The following TAF4 variants were observed in gnomAD, a reference collection of about 807,000 sequenced individuals.
TAF4 encodes transcription initiation factor TFIID subunit 4.
TAF4 carries 9 observed loss-of-function variants against 90.3 expected under a neutral mutation model. The observed-to-expected ratio is 0.10, with a 90% CI of 0.06 to 0.17. The LOEUF (loss-of-function observed/expected upper bound fraction) is 0.17. Among genes scored for constraint, TAF4 ranks in the 10% least tolerant of loss-of-function variants. The probability of loss-of-function intolerance (pLI) is 1.00; values close to 1 mark genes in which losing one functional copy is unlikely to be tolerated. For synonymous variants in TAF4, 818 were observed against 638.9 expected, an observed-to-expected ratio of 1.28 and a Z score of -4.23; for missense variants, 1,351 against 1,370.7, an observed-to-expected ratio of 0.99 and a Z score of 0.23.
chr20:62,007,444 C>T, intron 6 of TAF4, 103 bp downstream of exon 6: 2 of 1,103,100 alleles, frequency 1.8e-6, no homozygotes, highest in South Asian at 1.4e-5. Context: ...AAGCGCTGTG[C>T]ACCCTCCGTG....
chr20:62,038,291 T>A (rs2055945164), intron 1 of TAF4, among the ~76,000 whole-genome samples: 1 of 151,998 alleles, frequency 6.6e-6, no homozygotes, highest in Non-Finnish European at 1.5e-5. Flanking sequence ...CCTCCCAAAG[T>A]GCTGGGACTA....
intron 1 of TAF4, among the ~76,000 whole-genome samples, chr20:62,047,984 T>C (rs2056003354): frequency 6.6e-6 from 1 of 152,048 alleles, no homozygotes; most frequent in African/African-American, 2.4e-5. Flanking sequence ...ATCCCAGACC[T>C]AGCTCCCCAG....
At chr20:61,999,593 C>T (rs984183239) in intron 11 of TAF4, among the ~76,000 whole-genome samples, 1 of 152,134 alleles carries the variant, frequency 6.6e-6, no homozygotes, top group Admixed American at 6.5e-5. Flanking sequence ...AATAGGGCTG[C>T]GGCACCTCAG....
intron 1 of TAF4, among the ~76,000 whole-genome samples, 183 bp from the exon 2 acceptor site, chr20:62,014,890 A>T (rs1192681482): frequency 6.6e-6 from 1 of 152,198 alleles, no homozygotes; most frequent in East Asian, 1.9e-4. Context: ...AGACAAAAAA[A>T]CTGTAAAGGT....
chr20:62,041,707 G>A (rs1043872099), intron 1 of TAF4, among the ~76,000 whole-genome samples: 8 of 151,840 alleles, frequency 5.3e-5, no homozygotes, highest in Non-Finnish European at 7.4e-5. Flanking sequence ...GAGATGGGAA[G>A]ACTGCCTCAG....
intron 14 of TAF4, among the ~76,000 whole-genome samples, chr20:61,987,009 TAC>T (rs2055596838): frequency 6.6e-6 from 1 of 152,030 alleles, no homozygotes; most frequent in African/African-American, 2.4e-5. Context: ...ACCTACTAAT[TAC>T]ACAGAGAAAA....
intron 14 of TAF4, among the ~76,000 whole-genome samples, chr20:61,982,437 A>G (rs1600824755): frequency 7.5e-6 from 1 of 134,090 alleles, no homozygotes; most frequent in Non-Finnish European, 1.6e-5. Flanking sequence ...CAAAACCCAC[A>G]CCCACCCAAG....
chr20:62,064,595 C>T lies in TAF4; in HGVS notation c.1216G>A (p.Gly406Ser), dbSNP rs1361038490. 2.7e-6 allele frequency: 4 copies of T among 1,469,202 alleles called. No homozygotes were observed. The highest frequency in any genetic ancestry group is 2.6e-5 in the South Asian group (2 of 77,158). The allele number at this position is 1,469,202 out of a possible 1,614,324, so 91.0% of individuals were successfully genotyped here. The change falls in exon 1 of 15, where the codon GGC becomes AGC. Residue 406 changes from glycine to serine, a missense_variant. Gly to Ser is a moderately conservative substitution (Grantham distance 56). Transcript: ENST00000252996. ...CGGGACAGGCTCTGGGTCACTGCGC[C>T]GGCCGCGCCTTTGGGCAGCCCGGTG... is the stretch of plus-strand genomic sequence containing the variant. ...TPTGLPKGAA[G>S]AVTQSLSRTP...
rs554253399 is a variant in TAF4 at position 61,999,016 on chromosome 20, C to T, written c.2880G>A (p.Glu960=). 10 of 1,614,092 alleles carry T rather than the reference C, an allele frequency of 6.2e-6. No individual in the cohort carries two copies. The highest frequency in any genetic ancestry group is 2.2e-5 in the East Asian group (1 of 44,874). The change falls in exon 12 of 15, where the codon GAG becomes GAA. Residue 960 remains glutamate, a synonymous_variant. Transcript: ENST00000252996. Reference sequence around the variant, plus strand: ...CCCTCATCAGGATCTCCCGCTCCTGCTCATCCTTCCTCTGCTTTTCGATTT... The same window carrying T: ...CCCTCATCAGGATCTCCCGCTCCTGTTCATCCTTCCTCTGCTTTTCGATTT... ...LDQIEKQRKD[E]QEREILMRAA... is the part of the protein sequence containing the mutation.
At chr20:61,998,055 C>T (rs116980842) in intron 13 of TAF4, 81 bp downstream of exon 13, 225 of 1,373,006 alleles carry the variant, frequency 1.6e-4, no homozygotes, top group Middle Eastern at 3.6e-4. Context: ...AGAAGTGCCA[C>T]GGTTTCCTTA....
At chr20:62,038,585 A>G (rs1451400337) in intron 1 of TAF4, among the ~76,000 whole-genome samples, 1 of 152,276 alleles carries the variant, frequency 6.6e-6, no homozygotes, top group Non-Finnish European at 1.5e-5. Flanking sequence ...AATAAATTTA[A>G]CAAAGTATGT....
chr20:61,998,033 T>C lies in TAF4; in HGVS notation c.2970+103A>G, dbSNP rs578228248. 5.5e-6 allele frequency: 6 copies of C among 1,087,432 alleles called. 1 individual carries two copies. In the South Asian group the frequency reaches 7.3e-5, roughly 13 times the overall value. The allele number at this position is 1,087,432 out of a possible 1,614,324, so 67.4% of individuals were successfully genotyped here. On this transcript the variant is annotated intron_variant, in intron 13 of 14. Coordinates refer to ENST00000252996, the MANE Select transcript of TAF4 (RefSeq NM_003185.4). ...CAAACATTTTAAACAGACACGCAAA[T>C]GCCTATCGTACAGAAGTGCCACGGT... is the stretch of plus-strand genomic sequence containing the variant.
chr20:62,062,432 C>G (rs2145526350), intron 1 of TAF4, among the ~76,000 whole-genome samples: 1 of 151,244 alleles, frequency 6.6e-6, no homozygotes, highest in South Asian at 2.1e-4. Flanking sequence ...ATTATTGAAA[C>G]AAATAACATA....
At chr20:62,009,934 C>T in intron 4 of TAF4, 112 bp downstream of exon 4, 1 of 1,513,962 alleles carries the variant, frequency 6.6e-7, no homozygotes, top group Non-Finnish European at 9.0e-7. Flanking sequence ...CTTTGTGAAG[C>T]AAGCAGTGAG....
At chr20:61,985,654 G>A (rs1320953744) in intron 14 of TAF4, among the ~76,000 whole-genome samples, 1 of 151,444 alleles carries the variant, frequency 6.6e-6, no homozygotes, top group Non-Finnish European at 1.5e-5. Context: ...TGTGGGGGAT[G>A]AGAACCAGGT....
chr20:62,047,575 G>A (rs2056000709), intron 1 of TAF4, among the ~76,000 whole-genome samples: 1 of 152,132 alleles, frequency 6.6e-6, no homozygotes, highest in South Asian at 2.1e-4. Flanking sequence ...GGCAAGTGAA[G>A]ACCCCATCAC....
At chr20:62,024,017 G>A (rs2055860505) in intron 1 of TAF4, among the ~76,000 whole-genome samples, 1 of 152,116 alleles carries the variant, frequency 6.6e-6, no homozygotes, top group African/African-American at 2.4e-5. Flanking sequence ...CACAGAGACT[G>A]CAGTGAGCCG....
chr20:61,994,235 A>T (rs2055649710), intron 14 of TAF4, among the ~76,000 whole-genome samples: 1 of 152,194 alleles, frequency 6.6e-6, no homozygotes, highest in African/African-American at 2.4e-5. Flanking sequence ...ATACAACTAC[A>T]TTTTCAGCGT....
rs2123143785 is a variant in TAF4 at position 62,010,260 on chromosome 20, C to T, written c.1642-95G>A. The stretch of plus-strand genomic sequence containing the variant: ...ACGCCCAGCAAAAGAAAACAAGCCT[C>T]CCTGCGGTGGCCAGGACGCCCAGGA... On this transcript the variant is annotated intron_variant, in intron 3 of 14. Transcript: ENST00000252996. This position sits in a 1 kb window ranked among gnomAD's most constrained non-coding sequence, Gnocchi z 4.5. 1 of 1,579,504 alleles carries T rather than the reference C, an allele frequency of 6.3e-7. No individual in the cohort carries two copies. Among genetic ancestry groups the T allele is most frequent in the South Asian group, 1.1e-5 (1 of 89,134 alleles).
Sources: allele counts gnomAD v4.1 joint callset (sites outside exome capture counted in the v4.1 genomes callset), GRCh38; gene constraint gnomAD v4.1.1; non-coding constraint Gnocchi (gnomAD v3.1); transcripts MANE v1.5; gene names NCBI Gene and HGNC (gene_info 2026-07-23, HGNC 2026-07-21).